Variants in LMX1A observed in about 807,000 individuals in gnomAD.
LMX1A encodes LIM homeobox transcription factor 1-alpha.
In LMX1A, 15 loss-of-function variants were observed where a neutral mutation model predicts 49.1. The observed-to-expected ratio is 0.31, with a 90% CI of 0.20 to 0.47. The LOEUF (loss-of-function observed/expected upper bound fraction) is 0.47, where lower values mean the gene tolerates loss of function less well. LMX1A is among the 20% of genes least tolerant of loss of function. The probability of loss-of-function intolerance (pLI) is 1.00; values close to 1 mark genes in which losing one functional copy is unlikely to be tolerated. For synonymous variants in LMX1A, 167 were observed against 185.7 expected, an observed-to-expected ratio of 0.90 and a Z score of 0.82; for missense variants, 372 against 475.8, an observed-to-expected ratio of 0.78 and a Z score of 2.03.
chr1:165,229,474 C>G lies in LMX1A; in HGVS notation c.497-15661G>C, dbSNP rs73027297. ...GACACCAAATGAGGCAGCACAAGAG[C>G]CCCGCAGTGGGTGGGAGGAAGCCTG... On this transcript the variant is annotated intron_variant, in intron 4 of 8. Coordinates refer to ENST00000342310, the MANE Select transcript of LMX1A (RefSeq NM_177398.4). 1.3e-5 allele frequency among the ~76,000 whole-genome samples: 2 copies of G among 152,306 alleles called. 1 individual carries two copies. The highest frequency in any genetic ancestry group is 4.1e-4 in the South Asian group (2 of 4,828).
intron 3 of LMX1A, among the ~76,000 whole-genome samples, chr1:165,281,431 T>C (rs1279849075): frequency 5.9e-5 from 9 of 152,148 alleles, no homozygotes; most frequent in Non-Finnish European, 5.9e-5. Context: ...TCAGGTCTGG[T>C]AGATTTAAGT....
In LMX1A at chr1:165,250,204, G is replaced by A. The variant is rs537128159; in HGVS notation, c.264-564C>T. ...ACACGTTTACCTAGGTAACAAACCTGCACATCCTGCACATGTACCCCAGAA... is the reference window on the plus strand; with the variant it reads ...ACACGTTTACCTAGGTAACAAACCTACACATCCTGCACATGTACCCCAGAA... On this transcript the variant is annotated intron_variant, in intron 3 of 8. Transcript: ENST00000342310. Among the ~76,000 whole-genome samples, 3 of 152,104 alleles carry A rather than the reference G, an allele frequency of 2.0e-5. No individual in the cohort carries two copies. In the East Asian group the frequency reaches 5.8e-4, roughly 29 times the overall value.
intron 4 of LMX1A, among the ~76,000 whole-genome samples, chr1:165,224,125 G>C (rs547512643): frequency 1.2e-4 from 18 of 152,184 alleles, no homozygotes; most frequent in Non-Finnish European, 2.2e-4. Context: ...CATGAGATCA[G>C]ATTGCTTAAG....
intron 3 of LMX1A, among the ~76,000 whole-genome samples, chr1:165,260,302 T>C (rs1411643876): frequency 6.6e-6 from 1 of 152,054 alleles, no homozygotes; most frequent in Non-Finnish European, 1.5e-5. Flanking sequence ...GCCAATACAA[T>C]GTATACTCTT....
At position 165,355,643 on chromosome 1, in the gene LMX1A, C is replaced by G. The variant is rs1402026589; in HGVS notation, c.-22-62G>C. 4 of 1,248,238 alleles carry G rather than the reference C, an allele frequency of 3.2e-6. No homozygotes were observed. The highest frequency in any genetic ancestry group is 4.6e-6 in the Non-Finnish European group (4 of 867,204). The allele number at this position is 1,248,238 out of a possible 1,614,324, so 77.3% of individuals were successfully genotyped here. On this transcript the variant is annotated intron_variant, in intron 1 of 8. Coordinates refer to ENST00000342310, the MANE Select transcript of LMX1A (RefSeq NM_177398.4). This position sits in a 1 kb window ranked among gnomAD's most constrained non-coding sequence, Gnocchi z 4.7. ...GCCCGCTGGGACTCGGCGCCAGCAG[C>G]CACCGCACTCCTGGGAAAGAACTGA... is the stretch of plus-strand genomic sequence containing the variant.
At chr1:165,332,066 A>G (rs948435457) in intron 3 of LMX1A, among the ~76,000 whole-genome samples, 1 of 152,244 alleles carries the variant, frequency 6.6e-6, no homozygotes, top group Non-Finnish European at 1.5e-5. Flanking sequence ...CTCTAAGTAT[A>G]CTGTGAATTT....
chr1:165,231,683 A>T (rs1446212983), intron 4 of LMX1A, among the ~76,000 whole-genome samples: 3 of 152,244 alleles, frequency 2.0e-5, no homozygotes, highest in Non-Finnish European at 4.4e-5. Context: ...GGTTCCCATG[A>T]ACCTGTGTTT....
chr1:165,286,389 A>C (rs1321718637), intron 3 of LMX1A, among the ~76,000 whole-genome samples: 1 of 152,196 alleles, frequency 6.6e-6, no homozygotes, highest in Non-Finnish European at 1.5e-5. Context: ...TGGGTCTGAC[A>C]TGCCAGTTTG....
intron 3 of LMX1A, among the ~76,000 whole-genome samples, chr1:165,272,380 A>G (rs1311133725): frequency 6.6e-6 from 1 of 152,214 alleles, no homozygotes; most frequent in African/African-American, 2.4e-5. Flanking sequence ...TGGTGGCTGA[A>G]GCATCAACCA....
chr1:165,346,649 GT>G (rs1656254085), intron 3 of LMX1A, among the ~76,000 whole-genome samples: 1 of 152,226 alleles, frequency 6.6e-6, no homozygotes, highest in African/African-American at 2.4e-5. Context: ...AAGGGCCGCA[GT>G]TTTCTTCCTT....
At chr1:165,254,909 C>T (rs368957181) in intron 3 of LMX1A, among the ~76,000 whole-genome samples, 5 of 152,362 alleles carry the variant, frequency 3.3e-5, no homozygotes, top group African/African-American at 1.2e-4. Flanking sequence ...GAAAGCTCTG[C>T]AAATGATTCC....
chr1:165,321,391 T>G (rs949158566), intron 3 of LMX1A, among the ~76,000 whole-genome samples: 17 of 152,252 alleles, frequency 1.1e-4, no homozygotes, highest in Non-Finnish European at 2.5e-4. Context: ...CTTCAAAGAG[T>G]GAATTTTATG....
chr1:165,275,719 C>T (rs565456367), intron 3 of LMX1A, among the ~76,000 whole-genome samples: 2 of 151,948 alleles, frequency 1.3e-5, no homozygotes, highest in South Asian at 2.1e-4. Flanking sequence ...GTGGAGGGGA[C>T]GAGGCAGATG....
At chr1:165,231,090 TTTTA>T (rs140274113) in intron 4 of LMX1A, among the ~76,000 whole-genome samples, 54 of 151,334 alleles carry the variant, frequency 3.6e-4, no homozygotes, top group African/African-American at 1.2e-3. Flanking sequence ...TTTTTAAAAT[TTTTA>T]TTTATTTATT....
chr1:165,280,918 G>T (rs770668869), intron 3 of LMX1A, among the ~76,000 whole-genome samples: 25 of 152,182 alleles, frequency 1.6e-4, no homozygotes, highest in South Asian at 6.2e-4. Flanking sequence ...GTCAATGGGG[G>T]GCAGAAACTT....
intron 7 of LMX1A, among the ~76,000 whole-genome samples, chr1:165,206,743 C>T (rs1651098153): frequency 6.6e-6 from 1 of 152,140 alleles, no homozygotes; most frequent in South Asian, 2.1e-4. Context: ...AAGTTGGTCC[C>T]ACATAAAGAG....
Position 165,355,863 on chromosome 1 carries a change from T to G in LMX1A, c.-22-282A>C. On this transcript the variant is annotated intron_variant, in intron 1 of 8. Transcript: ENST00000342310. This position sits in a 1 kb window ranked among gnomAD's most constrained non-coding sequence, Gnocchi z 4.7. ...CCTGCCCCCCTCACCCCCACCTACA[T>G]CCCTTGCCCCAGGTTTTCCATCCCG... 5 of 418,414 alleles carry G rather than the reference T, an allele frequency of 1.2e-5. No homozygotes were observed. The highest frequency in any genetic ancestry group is 4.5e-5 in the East Asian group (1 of 22,030). The allele number at this position is 418,414 out of a possible 1,614,324, so 25.9% of individuals were successfully genotyped here. A position where few individuals can be genotyped will look rare whatever the true frequency, so the allele number is the denominator to read the frequency against.
chr1:165,251,579 G>T (rs1653062403), intron 3 of LMX1A, among the ~76,000 whole-genome samples: 1 of 152,158 alleles, frequency 6.6e-6, no homozygotes, highest in Non-Finnish European at 1.5e-5. Context: ...ATGGGGCATG[G>T]CTCCCAGGGT....
rs142251987 is a variant in LMX1A, at chr1:165,256,828, C to T, written c.264-7188G>A. ...CCTGAGAAACTACTAGTGGACAAGT[C>T]TATGACAATCAACAAAGAAGCACTG... is the stretch of plus-strand genomic sequence containing the variant. On this transcript the variant is annotated intron_variant, in intron 3 of 8. Coordinates refer to ENST00000342310, the MANE Select transcript of LMX1A (RefSeq NM_177398.4). Among the ~76,000 whole-genome samples the T allele has an allele frequency of 3.1e-3, 479 of 152,162 alleles. 4 individuals are homozygous for T. The highest frequency in any genetic ancestry group is 0.011 in the African/African-American group (447 of 41,506).
Sources: gnomAD v4.1 joint callset for allele counts (sites outside exome capture counted in the v4.1 genomes callset) on GRCh38, gnomAD v4.1.1 for gene constraint, Gnocchi (gnomAD v3.1) non-coding constraint, MANE v1.5 for transcripts, NCBI Gene and HGNC (gene_info 2026-07-23, HGNC 2026-07-21) for gene names.